MMP17: variants seen among roughly 807,000 people sequenced by gnomAD.
The protein encoded by MMP17 is matrix metallopeptidase 17.
MMP17 carries 54 observed loss-of-function variants against 49.1 expected under a neutral mutation model. The ratio of observed to expected loss-of-function variants is 1.10; its 90% CI spans 0.88 to 1.38. The LOEUF (loss-of-function observed/expected upper bound fraction) is 1.38, where lower values mean the gene tolerates loss of function less well. Among genes scored for constraint, MMP17 ranks in the 40% most tolerant of loss-of-function variants. The pLI, the probability that MMP17 is intolerant of heterozygous loss-of-function variation, is 0.00. For missense variants in MMP17, 837 were observed against 853.7 expected, an observed-to-expected ratio of 0.98 and a Z score of 0.24; for synonymous variants, 397 against 383.1, an observed-to-expected ratio of 1.04 and a Z score of -0.42.
chr12:131,841,690 A>G lies in MMP17; in HGVS notation c.773A>G (p.His258Arg). Residue 258 changes from histidine to arginine, a missense_variant, in exon 5 of 10, where the codon CAT becomes CGT. Transcript: ENST00000360564. ...TTTGGCCACGCCATTGGGTTAAGCC[A>G]TGTGGCCGCTGCACACTCCATCATG... is the stretch of plus-strand genomic sequence containing the variant. The part of the protein sequence containing the change: ...HEFGHAIGLS[H>R]VAAAHSIMRP... The G allele has an allele frequency of 6.2e-7, 1 of 1,614,026 alleles. No homozygotes were observed. Among genetic ancestry groups the G allele is most frequent in the Non-Finnish European group, 8.5e-7 (1 of 1,179,994 alleles).
Position 131,840,689 on chromosome 12 carries a change from G to T in MMP17, c.539G>T (p.Gly180Val), listed in dbSNP as rs767563382. The T allele has an allele frequency of 8.1e-6, 13 of 1,607,224 alleles. No individual in the cohort carries two copies. The highest frequency in any genetic ancestry group is 1.1e-5 in the Non-Finnish European group (13 of 1,179,956). ...IAPLNFHEVA[G>V]SAADIQIDFS... ...CCCCTGAACTTCCACGAGGTGGCGG[G>T]CAGCGCCGCCGACATCCAGATCGAC... is the stretch of plus-strand genomic sequence containing the variant. Residue 180 changes from glycine to valine, a missense_variant, in exon 4 of 10, where the codon GGC becomes GTC. Transcript: ENST00000360564.
chr12:131,851,175 G>T lies in MMP17; in HGVS notation c.1713G>T (p.Pro571=), dbSNP rs779638172. The T allele has an allele frequency of 1.4e-6, 2 of 1,478,644 alleles. No homozygotes were observed. Among genetic ancestry groups the T allele is most frequent in the African/African-American group, 2.8e-5 (2 of 70,268 alleles). 91.6% of individuals were successfully genotyped at this position (1,478,644 alleles called of 1,614,324 possible). The change falls in exon 10 of 10, where the codon CCG becomes CCT. Residue 571 remains proline (P), a synonymous_variant. Coordinates refer to ENST00000360564, the MANE Select transcript of MMP17 (RefSeq NM_016155.7). ...CSCTSGASSP[P]GAPGPLVAAT... is the part of the protein sequence containing the mutation. The stretch of plus-strand genomic sequence containing the variant: ...GCACCTCTGGGGCATCCTCTCCCCC[G>T]GGGGCCCCAGGCCCACTGGTGGCTG...
intron 8 of MMP17, among the ~76,000 whole-genome samples, chr12:131,848,171 G>C (rs375612691): frequency 6.6e-6 from 1 of 151,910 alleles, no homozygotes; most frequent in Non-Finnish European, 1.5e-5. Flanking sequence ...CTGCGGCCTC[G>C]ACCTCCCAGG....
rs551307360 is a variant in MMP17 at position 131,849,211 on chromosome 12, C to T, written c.1205-591C>T. ...AGAAAAGTGTATTTAACGCAGGGCA[C>T]GGTGGCTCACACCTGTAATCCCAGC... On this transcript the variant is annotated intron_variant, in intron 8 of 9. Coordinates refer to ENST00000360564, the MANE Select transcript of MMP17 (RefSeq NM_016155.7). 8.5e-5 allele frequency among the ~76,000 whole-genome samples: 13 copies of T among 152,256 alleles called. No individual in the cohort carries two copies. In the East Asian group the frequency reaches 1.5e-3, roughly 18 times the overall value.
In MMP17 at chr12:131,828,658, G is replaced by A; in HGVS notation, c.159+5G>A. On this transcript the variant is annotated splice_donor_5th_base_variant and intron_variant, in intron 1 of 9. Transcript: ENST00000360564. The stretch of plus-strand genomic sequence containing the variant: ...GAGGACCTCAGCCTGGGAGTGGTGA[G>A]CGCGCGGGCGGGACGGGCGCGGAGC... 1 of 462,168 alleles carries A rather than the reference G, an allele frequency of 2.2e-6. No homozygotes were observed. The highest frequency in any genetic ancestry group is 3.0e-6 in the Non-Finnish European group (1 of 331,170). The allele number at this position is 462,168 out of a possible 1,614,324, so 28.6% of individuals were successfully genotyped here. A position where few individuals can be genotyped will look rare whatever the true frequency, so the allele number is the denominator to read the frequency against.
chr12:131,851,317 C>T lies in MMP17; in HGVS notation c.*43C>T. ...TGAGAGGACAGAGGCGGTGGGACAG[C>T]CTGGCCACAGAGGGCAAGGACTGTG... On this transcript the variant is annotated 3_prime_UTR_variant, in exon 10 of 10. Coordinates refer to ENST00000360564, the MANE Select transcript of MMP17 (RefSeq NM_016155.7). The T allele has an allele frequency of 7.4e-7, 1 of 1,351,724 alleles. No homozygotes were observed. Among genetic ancestry groups the T allele is most frequent in the Non-Finnish European group, 9.5e-7 (1 of 1,048,350 alleles). 83.7% of individuals were successfully genotyped at this position (1,351,724 alleles called of 1,614,324 possible).
chr12:131,833,625 T>C (rs1247136039), intron 1 of MMP17, among the ~76,000 whole-genome samples: 1 of 152,234 alleles, frequency 6.6e-6, no homozygotes, highest in Non-Finnish European at 1.5e-5. Context: ...TGTGTGACCG[T>C]GGACAGGTTA....
In MMP17 at chr12:131,840,616, G is replaced by T; in HGVS notation, c.466G>T (p.Val156Leu). 1 of 1,607,812 alleles carries T rather than the reference G, an allele frequency of 6.2e-7. No homozygotes were observed. Among genetic ancestry groups the T allele is most frequent in the Non-Finnish European group, 8.5e-7 (1 of 1,178,822 alleles). Residue 156 changes from valine (V) to leucine (L), a missense_variant, in exon 4 of 10, where the codon GTG (valine) becomes TTG (leucine). Transcript: ENST00000360564. ...PRDSPLGHDT[V>L]RALMYYALKV... is the part of the protein sequence containing the mutation. The stretch of plus-strand genomic sequence containing the variant: ...GGACTCACCACTGGGGCACGACACG[G>T]TGCGTGCACTCATGTACTACGCCCT...
chr12:131,843,548 G>A (rs1373905670), intron 5 of MMP17, among the ~76,000 whole-genome samples: 7 of 152,128 alleles, frequency 4.6e-5, no homozygotes, highest in East Asian at 3.9e-4. Flanking sequence ...TGCCCGGCCC[G>A]GCTTCTTCCA....
intron 1 of MMP17, among the ~76,000 whole-genome samples, chr12:131,836,206 G>T (rs1013983365): frequency 2.0e-5 from 3 of 152,118 alleles, no homozygotes; most frequent in Non-Finnish European, 4.4e-5. Context: ...ACAGAGGGGG[G>T]CCCCGGGAAG....
chr12:131,829,806 G>C (rs1284704143), intron 1 of MMP17, among the ~76,000 whole-genome samples: 1 of 152,228 alleles, frequency 6.6e-6, no homozygotes, highest in African/African-American at 2.4e-5. Flanking sequence ...GGTCTGGATG[G>C]GAAGCCGATT....
In MMP17 at chr12:131,838,256, C is replaced by A. The variant is rs137879611; in HGVS notation, c.221C>A (p.Thr74Lys). The change falls in exon 2 of 10, where the codon ACG becomes AAG. Residue 74 changes from threonine (T) to lysine (K), a missense_variant. Thr to Lys is a moderately conservative substitution (Grantham distance 78). Transcript: ENST00000360564. ...GACCCCACAACAGGGCAGCTGCAGA[C>A]GCAAGAGGAGCTGTCTAAGGCCATC... The part of the protein sequence containing the change: ...PADPTTGQLQ[T>K]QEELSKAITA... The A allele has an allele frequency of 4.6e-5, 75 of 1,613,158 alleles. No homozygotes were observed. The African/African-American group carries it at 8.4e-4, about 18-fold the overall frequency.
rs537266187 is a variant in MMP17, at chr12:131,842,697, C to T, written c.883+897C>T. ...CTGAGGCAGGAGAATCACTTGAACCCGGGAGGCAGAGGTTGCAGTGAGCTG... is the reference window on the plus strand; with the variant it reads ...CTGAGGCAGGAGAATCACTTGAACCTGGGAGGCAGAGGTTGCAGTGAGCTG... On this transcript the variant is annotated intron_variant, in intron 5 of 9. Transcript: ENST00000360564. 1.8e-3 allele frequency among the ~76,000 whole-genome samples: 273 copies of T among 151,666 alleles called. 1 individual carries two copies. Among genetic ancestry groups the T allele is most frequent in the African/African-American group, 6.6e-3 (272 of 41,376 alleles).
Position 131,849,854 on chromosome 12 carries a change from C to G in MMP17, c.1257C>G (p.Arg419=), listed in dbSNP as rs1372646650. The G allele has an allele frequency of 6.2e-7, 1 of 1,614,012 alleles. No homozygotes were observed. Among genetic ancestry groups the G allele is most frequent in the Admixed American group, 1.7e-5 (1 of 60,012 alleles). The change falls in exon 9 of 10, where the codon CGC becomes CGG. Residue 419 remains arginine (R), a synonymous_variant. Coordinates refer to ENST00000360564, the MANE Select transcript of MMP17 (RefSeq NM_016155.7). ...ATAACGTAGAGGAAGGATACCCGCG[C>G]CCCGTCTCCGACTTCAGCCTCCCGC... ...KDNNVEEGYP[R]PVSDFSLPPG...
chr12:131,850,516 C>T (rs551956046), intron 9 of MMP17, among the ~76,000 whole-genome samples: 8 of 152,348 alleles, frequency 5.3e-5, no homozygotes, highest in Non-Finnish European at 7.3e-5. Flanking sequence ...TTGTTTTCAA[C>T]GCTGCATCCT....
At chr12:131,845,575 G>T in intron 8 of MMP17, 126 bp downstream of exon 8, 2 of 1,292,990 alleles carry the variant, frequency 1.5e-6, no homozygotes, top group Non-Finnish European at 2.1e-6. Context: ...GCACAGAGCA[G>T]CTGGTTTGCT....
intron 1 of MMP17, among the ~76,000 whole-genome samples, chr12:131,829,565 G>C (rs1319455938): frequency 3.9e-5 from 6 of 152,304 alleles, no homozygotes; most frequent in African/African-American, 1.4e-4. Context: ...AGTCGGGCCA[G>C]GAGCCGAGGC....
At chr12:131,843,298 G>T (rs1216035393) in intron 5 of MMP17, among the ~76,000 whole-genome samples, 1 of 143,644 alleles carries the variant, frequency 7.0e-6, no homozygotes, top group Non-Finnish European at 1.5e-5. Flanking sequence ...TTTTAGAGAT[G>T]GGGGTCTCAC....
Position 131,851,039 on chromosome 12 carries a change from C to G in MMP17, c.1577C>G (p.Ser526Ter), listed in dbSNP as rs1330970605. The G allele has an allele frequency of 3.1e-6, 5 of 1,609,108 alleles. No homozygotes were observed. The African/African-American group carries it at 6.7e-5, about 22-fold the overall frequency. The change falls in exon 10 of 10, where the codon TCA becomes TGA. Residue 526 changes from serine to a stop codon, truncating the protein, a stop_gained. Transcript: ENST00000360564. LOFTEE classifies it low-confidence loss of function (END_TRUNC). ...CGGGACTGGCTGGTGTGTGGAGACT[C>G]ACAGGCCGATGGATCTGTGGCTGCG... ...TARDWLVCGD[S>*]QADGSVAAGV...
Sources: allele counts gnomAD v4.1 joint callset (sites outside exome capture counted in the v4.1 genomes callset), GRCh38; gene constraint gnomAD v4.1.1; transcripts MANE v1.5; gene names NCBI Gene and HGNC (gene_info 2026-07-23, HGNC 2026-07-21).